The following WDR41 variants were observed in gnomAD, a reference collection of about 807,000 sequenced individuals.
WDR41 encodes the protein WD repeat domain 41.
WDR41 carries 63 observed loss-of-function variants against 69.3 expected under a neutral mutation model. The observed-to-expected ratio is 0.91, with a 90% CI of 0.74 to 1.12. The LOEUF (loss-of-function observed/expected upper bound fraction) is 1.12, where lower values mean the gene tolerates loss of function less well. WDR41 is among the 50% of genes most tolerant of loss of function. The pLI is 0.00. For missense variants in WDR41, 543 were observed against 534.5 expected, an observed-to-expected ratio of 1.02 and a Z score of -0.16; for synonymous variants, 185 against 192.1, an observed-to-expected ratio of 0.96 and a Z score of 0.31.
intron 1 of WDR41, among the ~76,000 whole-genome samples, chr5:77,552,101 A>G (rs1263008007): frequency 2.0e-5 from 3 of 150,886 alleles, no homozygotes; most frequent in Admixed American, 2.0e-4. Context: ...AATGAGAAAA[A>G]AAATGCAATT....
Position 77,436,321 on chromosome 5 carries a change from A to C in WDR41, c.1167T>G (p.Asn389Lys), listed in dbSNP as rs746933124. The C allele has an allele frequency of 1.2e-5, 20 of 1,613,984 alleles. No individual in the cohort carries two copies. The African/African-American group carries it at 2.7e-4, about 22-fold the overall frequency. Reference sequence around the variant, plus strand: ...TAAGCTCCAGTGAACATGAAGTAGCATTTTCTTGCTGCTTTTTAACAGGTT... The same window carrying C: ...TAAGCTCCAGTGAACATGAAGTAGCCTTTTCTTGCTGCTTTTTAACAGGTT... ...ASQPVKKQQE[N>K]ATSCSLELIG... The change falls in exon 12 of 13, where the codon AAT becomes AAG. Residue 389 changes from asparagine to lysine, a missense_variant. Physicochemically the swap from Asn to Lys is moderately conservative, Grantham distance 94 (BLOSUM62 0). Coordinates refer to ENST00000296679, the MANE Select transcript of WDR41 (RefSeq NM_018268.4).
chr5:77,472,465 G>C (rs1226472776), intron 2 of WDR41, among the ~76,000 whole-genome samples: 1 of 151,142 alleles, frequency 6.6e-6, no homozygotes, highest in Non-Finnish European at 1.5e-5. Context: ...ATTCAATTAG[G>C]AAAAGAGGAA....
Position 77,492,152 on chromosome 5 carries a change from G to A in WDR41, c.51+18C>T, listed in dbSNP as rs1437869255. On this transcript the variant is annotated intron_variant, in intron 1 of 12. Transcript: ENST00000296679. ...CAGCAAGCTCGACGGACGCAGAGCA[G>A]ACCCACCCGGGGTTTACCTCGGCCA... The A allele has an allele frequency of 6.8e-6, 11 of 1,610,908 alleles. No homozygotes were observed. Among genetic ancestry groups the A allele is most frequent in the Non-Finnish European group, 8.5e-6 (10 of 1,178,878 alleles).
intron 1 of WDR41, among the ~76,000 whole-genome samples, chr5:77,542,278 T>C (rs1028928841): frequency 6.6e-6 from 1 of 151,404 alleles, no homozygotes; most frequent in African/African-American, 2.4e-5. Flanking sequence ...TACTGGAGGG[T>C]AAAGGGTGGG....
intron 8 of WDR41, among the ~76,000 whole-genome samples, chr5:77,444,698 T>A (rs1482236546): frequency 6.6e-6 from 1 of 152,232 alleles, no homozygotes; most frequent in African/African-American, 2.4e-5. Flanking sequence ...AGCAGGGAAC[T>A]GTACAACATA....
chr5:77,547,517 A>T (rs1037969664), intron 1 of WDR41, among the ~76,000 whole-genome samples: 4 of 151,560 alleles, frequency 2.6e-5, no homozygotes, highest in Non-Finnish European at 5.9e-5. Context: ...AACCCCTTTT[A>T]CAGTAGCTAC....
chr5:77,611,442 C>T (rs7723039), intron 1 of WDR41, among the ~76,000 whole-genome samples: 109,504 of 146,314 alleles, frequency 0.75, 38,655 homozygotes, highest in African/African-American at 0.81. Context: ...AGAACAGAAA[C>T]TACAACAAAC....
chr5:77,582,266 A>G (rs1580025828), intron 1 of WDR41: 6 of 1,044,700 alleles, frequency 5.7e-6, no homozygotes, highest in East Asian at 2.5e-5. Flanking sequence ...TAAAAGACAC[A>G]AATTACCAAC....
intron 1 of WDR41, among the ~76,000 whole-genome samples, chr5:77,517,846 C>T (rs912850221): frequency 6.6e-6 from 1 of 151,966 alleles, no homozygotes; most frequent in African/African-American, 2.4e-5. Flanking sequence ...AAGAAACGAA[C>T]ATTTTGTTAT....
intron 1 of WDR41, among the ~76,000 whole-genome samples, chr5:77,586,600 C>A (rs573675165): frequency 2.0e-5 from 3 of 151,990 alleles, no homozygotes; most frequent in Non-Finnish European, 4.4e-5. Context: ...AGCTACCACA[C>A]CTGGCCTCAA....
intron 1 of WDR41, among the ~76,000 whole-genome samples, chr5:77,618,353 T>C (rs1187404186): frequency 3.3e-5 from 5 of 152,048 alleles, no homozygotes; most frequent in African/African-American, 1.2e-4. Context: ...TTCTATTTAA[T>C]AAAGATGACT....
intron 1 of WDR41, among the ~76,000 whole-genome samples, chr5:77,560,718 T>C (rs1258661750): frequency 6.6e-6 from 1 of 152,196 alleles, no homozygotes; most frequent in African/African-American, 2.4e-5. Context: ...AAATGAATAA[T>C]TTATATCAAA....
intron 1 of WDR41, among the ~76,000 whole-genome samples, chr5:77,577,884 C>A (rs1316740472): frequency 6.6e-6 from 1 of 152,138 alleles, no homozygotes; most frequent in African/African-American, 2.4e-5. Context: ...CTTAGCCTAG[C>A]CTAACTTAAA....
chr5:77,437,874 AAGG>A (rs950468489), intron 10 of WDR41, among the ~76,000 whole-genome samples: 1 of 152,180 alleles, frequency 6.6e-6, no homozygotes, highest in African/African-American at 2.4e-5. Context: ...CTCACACAAC[AAGG>A]AGACCAGCAA....
intron 2 of WDR41, among the ~76,000 whole-genome samples, chr5:77,466,433 C>T (rs1800308364): frequency 6.6e-6 from 1 of 151,810 alleles, no homozygotes; most frequent in Non-Finnish European, 1.5e-5. Flanking sequence ...GACTCAAGGT[C>T]TTAAGTGTTC....
chr5:77,530,135 G>C (rs976876696), intron 1 of WDR41, among the ~76,000 whole-genome samples: 1 of 151,564 alleles, frequency 6.6e-6, no homozygotes, highest in African/African-American at 2.4e-5. Context: ...ACCATGACAT[G>C]TCCACCAGAA....
At position 77,469,015 on chromosome 5, in the gene WDR41, G is replaced by A. The variant is rs552555911; in HGVS notation, c.168-4206C>T. ...CCAAATGTCTATCAATGATAGACTG[G>A]ATTAAGAAAATGTGGCACATATACA... On this transcript the variant is annotated intron_variant, in intron 2 of 12. Transcript: ENST00000296679. 2.0e-5 allele frequency among the ~76,000 whole-genome samples: 3 copies of A among 152,178 alleles called. No homozygotes were observed. In the South Asian group the frequency reaches 6.2e-4, roughly 32 times the overall value.
chr5:77,491,449 G>T (rs557229537), intron 1 of WDR41, among the ~76,000 whole-genome samples: 1 of 152,250 alleles, frequency 6.6e-6, no homozygotes, highest in Non-Finnish European at 1.5e-5. Flanking sequence ...GGACGCGCAT[G>T]AAAGTTCTTG....
chr5:77,595,001 G>A (rs1026089713), intron 1 of WDR41, among the ~76,000 whole-genome samples: 1 of 152,086 alleles, frequency 6.6e-6, no homozygotes, highest in African/African-American at 2.4e-5. Context: ...GGAAACGAGG[G>A]TTTATCCCCA....
Sources: allele counts gnomAD v4.1 joint callset (sites outside exome capture counted in the v4.1 genomes callset), GRCh38; gene constraint gnomAD v4.1.1; transcripts MANE v1.5; gene names NCBI Gene and HGNC (gene_info 2026-07-23, HGNC 2026-07-21).